The following STK39 variants were observed in gnomAD, a reference collection of about 807,000 sequenced individuals.
The protein encoded by STK39 is STE20/SPS1-related proline-alanine-rich protein kinase.
In STK39, 20 loss-of-function variants were observed where a neutral mutation model predicts 77.8. The observed-to-expected ratio is 0.26, with a 90% CI of 0.18 to 0.37. The LOEUF (loss-of-function observed/expected upper bound fraction) is 0.37. STK39 is among the 10% of genes least tolerant of loss of function. STK39 has a pLI of 1.00. For missense variants in STK39, 479 were observed against 656.5 expected, an observed-to-expected ratio of 0.73 and a Z score of 2.95; for synonymous variants, 246 against 234.1, an observed-to-expected ratio of 1.05 and a Z score of -0.47.
At chr2:168,180,345 T>C (rs1180883806) in intron 2 of STK39, among the ~76,000 whole-genome samples, 2 of 151,964 alleles carry the variant, frequency 1.3e-5, no homozygotes, top group African/African-American at 4.8e-5. Context: ...AGACTCTGTC[T>C]CAAAAAAATA....
chr2:168,097,739 CAAA>C (rs34477630), intron 10 of STK39, among the ~76,000 whole-genome samples: 47 of 145,178 alleles, frequency 3.2e-4, no homozygotes, highest in Non-Finnish European at 4.2e-4. Flanking sequence ...GTCTCAAAAA[CAAA>C]AAAAAAAAAA....
chr2:167,984,543 C>G (rs1247139684), intron 16 of STK39, among the ~76,000 whole-genome samples: 1 of 152,106 alleles, frequency 6.6e-6, no homozygotes, highest in African/African-American at 2.4e-5. Context: ...TGGTAGAGGC[C>G]AATCATCTAG....
At chr2:168,006,956 A>G (rs1268365109) in intron 16 of STK39, among the ~76,000 whole-genome samples, 2 of 152,336 alleles carry the variant, frequency 1.3e-5, no homozygotes, top group Admixed American at 6.5e-5. Flanking sequence ...GAAGCTAGGT[A>G]TTGAAGACTT....
chr2:168,182,856 A>G (rs1427616960), intron 1 of STK39, among the ~76,000 whole-genome samples: 1 of 152,152 alleles, frequency 6.6e-6, no homozygotes, highest in Non-Finnish European at 1.5e-5. Context: ...AATTCTGCAA[A>G]TAACACCAAA....
intron 5 of STK39, among the ~76,000 whole-genome samples, chr2:168,152,292 C>A (rs1223852363): frequency 6.6e-6 from 1 of 152,208 alleles, no homozygotes; most frequent in Admixed American, 6.5e-5. Flanking sequence ...GTAAAAGCAG[C>A]CACAGGACAG....
chr2:168,088,318 G>A (rs981820894), intron 10 of STK39, among the ~76,000 whole-genome samples: 1 of 152,132 alleles, frequency 6.6e-6, no homozygotes, highest in South Asian at 2.1e-4. Context: ...ACAGTTCCTG[G>A]ATAAATGGCA....
Position 167,954,622 on chromosome 2 carries a change from A to G in STK39, c.*874T>C, listed in dbSNP as rs199601062. On this transcript the variant is annotated 3_prime_UTR_variant, in exon 18 of 18. Coordinates refer to ENST00000355999, the MANE Select transcript of STK39 (RefSeq NM_013233.3). ...TAAACGGTCCAATGAAGCAAAACTT[A>G]ACATATGCCACCTTATATAGAGGAA... 1.3e-4 allele frequency: 20 copies of G among 152,800 alleles called. No homozygotes were observed. The highest frequency in any genetic ancestry group is 4.6e-4 in the African/African-American group (19 of 41,586). The allele number at this position is 152,800 out of a possible 1,614,324, so 9.5% of individuals were successfully genotyped here.
At chr2:168,220,498 T>C (rs77799040) in intron 1 of STK39, among the ~76,000 whole-genome samples, 7,396 of 152,232 alleles carry the variant, frequency 0.049, 306 homozygotes, top group East Asian at 0.2. Flanking sequence ...GAGATGTGCA[T>C]GTAAAAAGTA....
chr2:168,181,547 C>T (rs541705774), intron 2 of STK39, among the ~76,000 whole-genome samples: 151 of 152,190 alleles, frequency 9.9e-4, no homozygotes, highest in African/African-American at 3.2e-3. Context: ...TTGTGTGATG[C>T]TATAATTTAT....
chr2:168,140,499 T>C lies in STK39; in HGVS notation c.739-109A>G, dbSNP rs1687953073. The C allele has an allele frequency of 2.8e-5, 33 of 1,198,122 alleles. No homozygotes were observed. The South Asian group carries it at 4.1e-4, about 15-fold the overall frequency. The allele number at this position is 1,198,122 out of a possible 1,614,324, so 74.2% of individuals were successfully genotyped here. Reference sequence around the variant, plus strand: ...AGCTGTTGATGTATAACTTTCACGTTAGTTTGCTAATTAGCTAGCAATTGA... The same window carrying C: ...AGCTGTTGATGTATAACTTTCACGTCAGTTTGCTAATTAGCTAGCAATTGA... On this transcript the variant is annotated intron_variant, in intron 6 of 17. Transcript: ENST00000355999.
At chr2:168,186,330 A>G (rs2063960) in intron 1 of STK39, among the ~76,000 whole-genome samples, 151,308 of 152,320 alleles carry the variant, frequency 0.99, 75,154 homozygotes, top group Middle Eastern at 1. Context: ...GCCACTCAGT[A>G]TATGGTATTT....
intron 1 of STK39, among the ~76,000 whole-genome samples, chr2:168,228,086 AGTAGATT>A (rs960094782): frequency 8.5e-5 from 13 of 152,362 alleles, no homozygotes; most frequent in Admixed American, 8.5e-4. Flanking sequence ...AGACATTAAG[AGTAGATT>A]GTATTAGATG....
At chr2:168,121,783 C>G (rs528040329) in intron 10 of STK39, among the ~76,000 whole-genome samples, 1 of 152,326 alleles carries the variant, frequency 6.6e-6, no homozygotes, top group East Asian at 1.9e-4. Flanking sequence ...GCTGACTGAG[C>G]ACCTGCTATG....
chr2:168,011,858 G>A (rs867927135), intron 16 of STK39, among the ~76,000 whole-genome samples: 1 of 152,166 alleles, frequency 6.6e-6, no homozygotes, highest in Non-Finnish European at 1.5e-5. Context: ...TATCTATACA[G>A]TGAAAGAACC....
At chr2:167,982,991 G>T (rs1254048247) in intron 16 of STK39, among the ~76,000 whole-genome samples, 1 of 152,188 alleles carries the variant, frequency 6.6e-6, no homozygotes, top group East Asian at 1.9e-4. Context: ...TTGGCTCACT[G>T]CTGTACACCC....
rs75877047 is a variant in STK39, at chr2:168,009,714, C to T, written c.1498+2920G>A. 4.8e-3 allele frequency among the ~76,000 whole-genome samples: 723 copies of T among 152,178 alleles called. 3 individuals carry two copies. The highest frequency in any genetic ancestry group is 8.0e-3 in the Non-Finnish European group (546 of 68,016). On this transcript the variant is annotated intron_variant, in intron 16 of 17. Transcript: ENST00000355999. ...CCATGTAAGGCATTTTTAAGTGCTA[C>T]TATATCAAAGAGTTAGATATGCCTG... is the stretch of plus-strand genomic sequence containing the variant.
At chr2:168,227,016 G>A (rs1461235151) in intron 1 of STK39, among the ~76,000 whole-genome samples, 3 of 152,054 alleles carry the variant, frequency 2.0e-5, no homozygotes, top group South Asian at 2.1e-4. Flanking sequence ...TGACAGCTGT[G>A]AATATTTATA....
At chr2:168,208,412 T>G (rs1380131622) in intron 1 of STK39, among the ~76,000 whole-genome samples, 1 of 152,204 alleles carries the variant, frequency 6.6e-6, no homozygotes, top group Non-Finnish European at 1.5e-5. Context: ...TGACAGTGGC[T>G]ACGACTATCC....
At chr2:168,159,767 C>T (rs1688522683) in intron 5 of STK39, among the ~76,000 whole-genome samples, 3 of 152,196 alleles carry the variant, frequency 2.0e-5, no homozygotes, top group East Asian at 3.9e-4. Flanking sequence ...AGCATGAAGT[C>T]GCATACTCAA....
Sources: gnomAD v4.1 joint callset for allele counts (sites outside exome capture counted in the v4.1 genomes callset) on GRCh38, gnomAD v4.1.1 for gene constraint, MANE v1.5 for transcripts, NCBI Gene and HGNC (gene_info 2026-07-23, HGNC 2026-07-21) for gene names.